The following PCNP variants were observed in gnomAD, a reference collection of about 807,000 sequenced individuals.
The protein encoded by PCNP is PEST proteolytic signal containing nuclear protein, also known as PEST proteolytic signal-containing nuclear protein.
In PCNP, 6 loss-of-function variants were observed where a neutral mutation model predicts 21.8. That is an observed-to-expected ratio of 0.28 (90% CI 0.15 to 0.54). PCNP has a LOEUF of 0.54. Among genes scored for constraint, PCNP ranks in the 20% least tolerant of loss-of-function variants. The pLI, the probability that PCNP is intolerant of heterozygous loss-of-function variation, is 0.95. For missense variants in PCNP, 161 were observed against 215.5 expected, an observed-to-expected ratio of 0.75 and a Z score of 1.58; for synonymous variants, 67 against 73.2, an observed-to-expected ratio of 0.92 and a Z score of 0.43.
intron 1 of PCNP, chr3:101,576,854 C>A: frequency 6.2e-7 from 1 of 1,607,570 alleles, no homozygotes; most frequent in Non-Finnish European, 8.5e-7. Flanking sequence ...CCCTTAATGG[C>A]AGTGATGGCA....
At chr3:101,588,024 G>A (rs1935621567) in intron 3 of PCNP, among the ~76,000 whole-genome samples, 1 of 152,208 alleles carries the variant, frequency 6.6e-6, no homozygotes, top group Non-Finnish European at 1.5e-5. Flanking sequence ...TGTAATCCCA[G>A]TACTTTGGGA....
chr3:101,576,646 T>C, intron 1 of PCNP: 1 of 1,611,806 alleles, frequency 6.2e-7, no homozygotes, highest in Admixed American at 1.7e-5. Context: ...GTCCAGACCA[T>C]TGGCTAGGAC....
intron 3 of PCNP, chr3:101,589,949 G>A (rs1380757705): frequency 4.1e-5 from 16 of 390,360 alleles, no homozygotes; most frequent in Non-Finnish European, 6.5e-5. Context: ...AACACAATGG[G>A]CAGCATTTAG....
At chr3:101,574,329 C>T in intron 1 of PCNP, 50 bp downstream of exon 1, 1 of 1,424,204 alleles carries the variant, frequency 7.0e-7, no homozygotes, top group South Asian at 1.3e-5. Flanking sequence ...CCGGGCCTTT[C>T]TTTGAGCTCC....
chr3:101,574,416 C>G, intron 1 of PCNP, 137 bp downstream of exon 1: 1 of 1,100,860 alleles, frequency 9.1e-7, no homozygotes, highest in Non-Finnish European at 1.2e-6. Context: ...CCCAGACCTG[C>G]CTCGGGCACG....
At chr3:101,580,279 G>A (rs1301295648) in intron 2 of PCNP, among the ~76,000 whole-genome samples, 2 of 152,102 alleles carry the variant, frequency 1.3e-5, no homozygotes, top group African/African-American at 4.8e-5. Flanking sequence ...GAATTTTTCT[G>A]CGTTGGCTGG....
chr3:101,576,691 CTGTT>C, intron 1 of PCNP: 1 of 1,612,242 alleles, frequency 6.2e-7, no homozygotes, highest in East Asian at 2.2e-5. Context: ...ATCCTTCTGT[CTGTT>C]CAAGAACCAG....
intron 1 of PCNP, 71 bp downstream of exon 1, chr3:101,574,350 G>A (rs1934739637): frequency 1.4e-6 from 2 of 1,467,686 alleles, no homozygotes; most frequent in Admixed American, 2.2e-5. Context: ...CAGGGTGGGG[G>A]GAGTGGGGTG....
At chr3:101,592,529 A>T in intron 4 of PCNP, 98 bp from the exon 5 acceptor site, 1 of 941,496 alleles carries the variant, frequency 1.1e-6, no homozygotes, top group Non-Finnish European at 1.6e-6. Flanking sequence ...GTCTGTGTTT[A>T]TAATAGGTGC....
At chr3:101,590,029 C>T (rs1291164354) in intron 3 of PCNP, 186 bp from the exon 4 acceptor site, 1 of 557,200 alleles carries the variant, frequency 1.8e-6, no homozygotes, top group East Asian at 3.2e-5. Context: ...AAAATCAGCA[C>T]CGTAGAAGAC....
intron 3 of PCNP, among the ~76,000 whole-genome samples, chr3:101,586,007 C>A (rs1422279577): frequency 4.6e-5 from 7 of 151,870 alleles, no homozygotes; most frequent in African/African-American, 1.7e-4. Context: ...CCCATCTCTA[C>A]TAAAAATACA....
Position 101,574,186 on chromosome 3 carries a change from G to A in PCNP, c.-30G>A, listed in dbSNP as rs1216469561. On this transcript the variant is annotated 5_prime_UTR_variant, in exon 1 of 5. It adds an upstream start codon to the 5' untranslated region. Coordinates refer to ENST00000265260, the MANE Select transcript of PCNP (RefSeq NM_020357.3). ...TGGGCGGGGTCGTGACGTCCTTGGCGTGGCTGCAGGGGAGGCCGCGGCGGG... is the reference window on the plus strand; with the variant it reads ...TGGGCGGGGTCGTGACGTCCTTGGCATGGCTGCAGGGGAGGCCGCGGCGGG... 3 of 1,547,076 alleles carry A rather than the reference G, an allele frequency of 1.9e-6. No homozygotes were observed. The highest frequency in any genetic ancestry group is 1.4e-5 in the African/African-American group (1 of 72,832).
rs1238503495 is a variant in PCNP at position 101,593,553 on chromosome 3, CA to C, written c.*803del. 1 of 152,498 alleles carries C rather than the reference CA, an allele frequency of 6.6e-6. No individual in the cohort carries two copies. The highest frequency in any genetic ancestry group is 1.5e-5 in the Non-Finnish European group (1 of 68,008). The allele number at this position is 152,498 out of a possible 1,614,324, so 9.4% of individuals were successfully genotyped here. A position where few individuals can be genotyped will look rare whatever the true frequency, so the allele number is the denominator to read the frequency against. ...TAAGGAAGCTGTTTCTTTTAAAACA[CA>C]AACCACCACCAAAAATTTAAATGTA... On this transcript the variant is annotated 3_prime_UTR_variant, in exon 5 of 5. Coordinates refer to ENST00000265260, the MANE Select transcript of PCNP (RefSeq NM_020357.3).
intron 2 of PCNP, among the ~76,000 whole-genome samples, chr3:101,583,383 G>A (rs1317008010): frequency 2.0e-5 from 3 of 152,128 alleles, no homozygotes; most frequent in African/African-American, 7.2e-5. Flanking sequence ...GAACCCAGGA[G>A]GTGGAGGTTG....
rs11459723 is a variant in PCNP at position 101,590,711 on chromosome 3, A to ATT, written c.410+451_410+452dup. Reference sequence around the variant, plus strand: ...AGGCATATGCCATGACACCCGGCTGATTTTTTTTTTTATTTTTAGTAGAGG... The same window carrying ATT: ...AGGCATATGCCATGACACCCGGCTGATTTTTTTTTTTTTATTTTTAGTAGAGG... On this transcript the variant is annotated intron_variant, in intron 4 of 4. Coordinates refer to ENST00000265260, the MANE Select transcript of PCNP (RefSeq NM_020357.3). Among the ~76,000 whole-genome samples the ATT allele has an allele frequency of 9.4e-5, 14 of 148,256 alleles. No individual in the cohort carries two copies. The South Asian group carries it at 2.1e-3, about 23-fold the overall frequency.
intron 3 of PCNP, chr3:101,589,601 G>C (rs1000578694): frequency 1.3e-5 from 2 of 152,214 alleles, no homozygotes; most frequent in Non-Finnish European, 2.9e-5. Context: ...TGGTAGAGAC[G>C]GGGTTTCACC....
Position 101,574,182 on chromosome 3 carries a change from T to TGGCGTGGCTGCAGGGGAG in PCNP, c.-32_-15dup. The TGGCGTGGCTGCAGGGGAG allele has an allele frequency of 6.5e-7, 1 of 1,546,846 alleles. No homozygotes were observed. Among genetic ancestry groups the TGGCGTGGCTGCAGGGGAG allele is most frequent in the Non-Finnish European group, 8.7e-7 (1 of 1,144,380 alleles). On this transcript the variant is annotated 5_prime_UTR_variant, in exon 1 of 5. Coordinates refer to ENST00000265260, the MANE Select transcript of PCNP (RefSeq NM_020357.3). ...TTGTTGGGCGGGGTCGTGACGTCCT[T>TGGCGTGGCTGCAGGGGAG]GGCGTGGCTGCAGGGGAGGCCGCGG...
chr3:101,575,419 C>A (rs1476388193), intron 1 of PCNP, among the ~76,000 whole-genome samples: 1 of 151,572 alleles, frequency 6.6e-6, no homozygotes, highest in Non-Finnish European at 1.5e-5. Flanking sequence ...TTAAAAAACA[C>A]GTACAATTCT....
Position 101,592,750 on chromosome 3 carries a change from T to C in PCNP, c.534T>C (p.Asn178=). 6.2e-7 allele frequency: 1 copy of C among 1,611,106 alleles called. No individual in the cohort carries two copies. The highest frequency in any genetic ancestry group is 1.3e-5 in the African/African-American group (1 of 74,878). Residue 178 remains asparagine, a synonymous_variant, in exon 5 of 5, where the codon AAT becomes AAC. Coordinates refer to ENST00000265260, the MANE Select transcript of PCNP (RefSeq NM_020357.3). ...SHLGNVHDQD[N] ...TTGGAAATGTCCATGACCAAGACAA[T>C]TAAATGATGTTTTGAAATTGGGGTG...
Sources: gnomAD v4.1 joint callset for allele counts (sites outside exome capture counted in the v4.1 genomes callset) on GRCh38, gnomAD v4.1.1 for gene constraint, MANE v1.5 for transcripts, NCBI Gene and HGNC (gene_info 2026-07-23, HGNC 2026-07-21) for gene names.